Variants in CCPG1 observed in about 807,000 individuals in gnomAD.
CCPG1 encodes the protein cell cycle progression protein 1.
Under a neutral mutation model 81.3 loss-of-function variants are expected in CCPG1, and 46 were observed. The ratio of observed to expected loss-of-function variants is 0.57; its 90% CI spans 0.45 to 0.72. The LOEUF (loss-of-function observed/expected upper bound fraction) is 0.72. Ranked by LOEUF, CCPG1 falls within the 30% of genes least tolerant of loss-of-function variation. The pLI is 0.00. For missense variants in CCPG1, 902 were observed against 937.6 expected (o/e 0.96, Z 0.50); for synonymous variants, 330 against 305.2 (o/e 1.08, Z -0.85).
intron 1 of CCPG1, among the ~76,000 whole-genome samples, chr15:55,394,811 T>C (rs2056984877): frequency 6.6e-6 from 1 of 151,366 alleles, no homozygotes; most frequent in Non-Finnish European, 1.5e-5. Flanking sequence ...ATTAAGAAGC[T>C]GAAACTTACT....
intron 6 of CCPG1, among the ~76,000 whole-genome samples, chr15:55,369,078 C>A (rs1234329631): frequency 1.3e-5 from 2 of 151,902 alleles, no homozygotes; most frequent in African/African-American, 4.8e-5. Flanking sequence ...TACCACTGCA[C>A]TCCAGCCTGG....
At chr15:55,370,641 C>A (rs2141265618) in intron 6 of CCPG1, among the ~76,000 whole-genome samples, 1 of 152,244 alleles carries the variant, frequency 6.6e-6, no homozygotes, top group Middle Eastern at 3.4e-3. Flanking sequence ...CTTTGGGAGG[C>A]CGAGGCGGGT....
chr15:55,371,940 C>T lies in CCPG1; in HGVS notation c.559G>A (p.Ala187Thr), dbSNP rs757399835. 1.2e-5 allele frequency: 20 copies of T among 1,614,060 alleles called. No homozygotes were observed. Among genetic ancestry groups the T allele is most frequent in the Non-Finnish European group, 2.5e-6 (3 of 1,180,032 alleles). ...RRRARKKTVSASESEDRLVAE... is the reference protein window; with the variant it reads ...RRRARKKTVSTSESEDRLVAE... ...ACTAGCCGGTCTTCAGATTCTGAAG[C>T]AGAAACGGTCTTCTTCCTAGCACGG... Residue 187 changes from alanine (A) to threonine (T), a missense_variant, in exon 6 of 9, where the codon GCT becomes ACT. Ala to Thr is a moderately conservative substitution (Grantham distance 58). Around this residue, in one of 3 missense-constraint regions of CCPG1, gnomAD observed 746 missense variants for 728.6 expected, o/e 1.02. Coordinates refer to ENST00000442196, the MANE Select transcript of CCPG1 (RefSeq NM_001204450.2).
At chr15:55,356,582 T>C (rs2056080733) in intron 8 of CCPG1, 173 bp from the exon 9 acceptor site, 1 of 1,243,354 alleles carries the variant, frequency 8.0e-7, no homozygotes, top group Non-Finnish European at 1.0e-6. Flanking sequence ...CTGTATTAGT[T>C]TTTTTGTCCT....
Position 55,356,736 on chromosome 15 carries a change from G to T in CCPG1, c.2235-327C>A, listed in dbSNP as rs940733222. 3.9e-6 allele frequency: 4 copies of T among 1,037,912 alleles called. No homozygotes were observed. In the African/African-American group the frequency reaches 5.1e-5, roughly 13 times the overall value. The allele number at this position is 1,037,912 out of a possible 1,614,324, so 64.3% of individuals were successfully genotyped here. ...TTCCTATAAAAATCAGTCCCTCCCC[G>T]CTGGCTTTATCACTCAGCAGAAATA... On this transcript the variant is annotated intron_variant, in intron 8 of 8. Coordinates refer to ENST00000442196, the MANE Select transcript of CCPG1 (RefSeq NM_001204450.2).
intron 1 of CCPG1, among the ~76,000 whole-genome samples, chr15:55,407,383 A>G (rs139298257): frequency 2.0e-5 from 3 of 152,342 alleles, no homozygotes; most frequent in African/African-American, 7.2e-5. Flanking sequence ...TTCTAATCTT[A>G]AAAGATACGA....
At chr15:55,380,415 G>T (rs996918649) in intron 3 of CCPG1, among the ~76,000 whole-genome samples, 3 of 151,048 alleles carry the variant, frequency 2.0e-5, no homozygotes, top group African/African-American at 7.3e-5. Context: ...CCTGCCTCAG[G>T]CTCCCAAGTA....
intron 5 of CCPG1, among the ~76,000 whole-genome samples, chr15:55,375,655 C>G (rs1197154980): frequency 6.6e-6 from 1 of 151,156 alleles, no homozygotes; most frequent in Non-Finnish European, 1.5e-5. Context: ...CTGAAAATAA[C>G]TTCTCATTAA....
chr15:55,371,124 GGAGA>G (rs924208770), intron 6 of CCPG1, among the ~76,000 whole-genome samples: 1 of 152,094 alleles, frequency 6.6e-6, no homozygotes, highest in African/African-American at 2.4e-5. Context: ...AAAAAACAAA[GGAGA>G]GAGTCAATGG....
At chr15:55,361,299 T>C (rs2056189709) in intron 7 of CCPG1, among the ~76,000 whole-genome samples, 1 of 151,610 alleles carries the variant, frequency 6.6e-6, no homozygotes, top group African/African-American at 2.4e-5. Context: ...AGTGCTGGCA[T>C]TATAGGCATG....
intron 1 of CCPG1, among the ~76,000 whole-genome samples, chr15:55,396,891 GGAGA>G (rs1006890723): frequency 6.6e-6 from 1 of 151,322 alleles, no homozygotes; most frequent in African/African-American, 2.4e-5. Context: ...TCGCCTAGCA[GGAGA>G]GAGGAGGAAA....
intron 7 of CCPG1, among the ~76,000 whole-genome samples, chr15:55,362,384 A>G (rs531881544): frequency 6.6e-6 from 1 of 152,244 alleles, no homozygotes; most frequent in South Asian, 2.1e-4. Context: ...ACTAATATAC[A>G]CTTGAAAAAT....
rs943743571 is a variant in CCPG1, at chr15:55,395,929, G to A, written c.-9-6496C>T. On this transcript the variant is annotated intron_variant, in intron 1 of 8. Transcript: ENST00000442196. ...CCAGCACTTTGGGAGGCCAAGGCAG[G>A]CAGATCAGGAGGTCAGGAGTTAAAG... Among the ~76,000 whole-genome samples, 4 of 152,246 alleles carry A rather than the reference G, an allele frequency of 2.6e-5. No homozygotes were observed. In the East Asian group the frequency reaches 7.7e-4, roughly 29 times the overall value.
At chr15:55,372,185 C>T in intron 5 of CCPG1, 141 bp from the exon 6 acceptor site, 2 of 734,692 alleles carry the variant, frequency 2.7e-6, no homozygotes, top group Non-Finnish European at 4.4e-6. Flanking sequence ...ACAACATAAA[C>T]AAAAACACGG....
chr15:55,389,680 G>C (rs2056876466), intron 1 of CCPG1, among the ~76,000 whole-genome samples: 1 of 152,186 alleles, frequency 6.6e-6, no homozygotes, highest in Non-Finnish European at 1.5e-5. Context: ...TTGTTGGAAT[G>C]AAGGAGAAAG....
At chr15:55,361,822 T>G (rs1167769309) in intron 7 of CCPG1, among the ~76,000 whole-genome samples, 5 of 152,344 alleles carry the variant, frequency 3.3e-5, no homozygotes, top group African/African-American at 9.6e-5. Flanking sequence ...ATCTTAGTCC[T>G]ATTTGAAACA....
intron 4 of CCPG1, among the ~76,000 whole-genome samples, chr15:55,377,697 T>A (rs2056595838): frequency 6.6e-6 from 1 of 152,242 alleles, no homozygotes; most frequent in African/African-American, 2.4e-5. Context: ...TTAAGGTCTT[T>A]ATAAAACAGG....
chr15:55,386,369 A>G (rs2056799392), intron 2 of CCPG1, among the ~76,000 whole-genome samples: 1 of 152,196 alleles, frequency 6.6e-6, no homozygotes, highest in Non-Finnish European at 1.5e-5. Context: ...ACAATTTTAG[A>G]CTATCTTTTT....
At chr15:55,356,962 C>T in intron 8 of CCPG1, 1 of 985,742 alleles carries the variant, frequency 1.0e-6, no homozygotes, top group Non-Finnish European at 1.2e-6. Context: ...TTTTAAAAAG[C>T]ATGACACATT....
Sources: gnomAD v4.1 joint callset for allele counts (sites outside exome capture counted in the v4.1 genomes callset) on GRCh38, gnomAD v4.1.1 for gene constraint, gnomAD v4.1.1 regional missense constraint, MANE v1.5 for transcripts, NCBI Gene and HGNC (gene_info 2026-07-23, HGNC 2026-07-21) for gene names.